The following ZNF3 variants were observed in gnomAD, a reference collection of about 807,000 sequenced individuals.
ZNF3 encodes the protein C2-H2 type zinc finger protein.
ZNF3 carries 16 observed loss-of-function variants against 36.9 expected under a neutral mutation model. That is an observed-to-expected ratio of 0.43 (90% confidence interval 0.29 to 0.66). The LOEUF is 0.66. Ranked by LOEUF, ZNF3 falls within the 30% of genes least tolerant of loss-of-function variation. ZNF3 has a pLI of 0.13. For synonymous variants in ZNF3, 201 were observed against 201.9 expected (o/e 1.00, Z 0.04); for missense variants, 462 against 543.1 (o/e 0.85, Z 1.48).
downstream of ZNF3, among the ~76,000 whole-genome samples, chr7:100,069,247 TGTACC>T (rs1410956771): frequency 6.6e-6 from 1 of 152,138 alleles, no homozygotes; most frequent in Non-Finnish European, 1.5e-5. Flanking sequence ...CATGAGCCAC[TGTACC>T]TAGCCTATAA....
chr7:100,070,287 CA>C lies in ZNF3; in HGVS notation c.*855del, dbSNP rs1201660431. ...GGGCTGGGTGTCAGAGGTGAGAGGG[CA>C]GGGCAAGCAGGCCAAGTGAGCTCCT... is the stretch of plus-strand genomic sequence containing the variant. On this transcript the variant is annotated 3_prime_UTR_variant, in exon 6 of 6. Transcript: ENST00000299667. 6 of 985,482 alleles carry C rather than the reference CA, an allele frequency of 6.1e-6. No homozygotes were observed. The African/African-American group carries it at 1.0e-4, about 17-fold the overall frequency. 61.0% of individuals were successfully genotyped at this position (985,482 alleles called of 1,614,324 possible).
chr7:100,073,453 A>G (rs560231512), intron 5 of ZNF3, among the ~76,000 whole-genome samples: 2 of 152,090 alleles, frequency 1.3e-5, no homozygotes, highest in Admixed American at 6.5e-5. Context: ...GGTTCAAGCA[A>G]TTCTCCTGCC....
At chr7:100,063,969 C>T (rs781460330), downstream of ZNF3, 8 of 1,614,030 alleles carry the variant, frequency 5.0e-6, no homozygotes, top group Middle Eastern at 3.3e-4. Flanking sequence ...AAGAGGCAGG[C>T]TCCAAGAAAG....
intron 1 of ZNF3, among the ~76,000 whole-genome samples, chr7:100,080,929 T>C (rs4601238): frequency 2.6e-5 from 4 of 152,246 alleles, no homozygotes; most frequent in African/African-American, 9.6e-5. Flanking sequence ...GAGAAAATAA[T>C]ACGCTCGTTC....
chr7:100,065,396 C>T (rs1026997820), downstream of ZNF3, among the ~76,000 whole-genome samples: 3 of 151,538 alleles, frequency 2.0e-5, no homozygotes, highest in African/African-American at 7.3e-5. Flanking sequence ...TGCACTCCAG[C>T]CTGGGTGACA....
chr7:100,064,993 T>C, downstream of ZNF3: 2 of 1,533,616 alleles, frequency 1.3e-6, no homozygotes, highest in African/African-American at 2.8e-5. Flanking sequence ...TTGAGCCACA[T>C]TGAACACAAT....
At chr7:100,074,738 T>C (rs554482599) in intron 5 of ZNF3, among the ~76,000 whole-genome samples, 1 of 152,206 alleles carries the variant, frequency 6.6e-6, no homozygotes, top group East Asian at 1.9e-4. Flanking sequence ...TAAGACTAAG[T>C]CAATCCTTAC....
At chr7:100,075,094 G>A (rs564021133) in intron 5 of ZNF3, 41 bp downstream of exon 5, 3 of 1,551,852 alleles carry the variant, frequency 1.9e-6, no homozygotes, top group South Asian at 1.2e-5. Flanking sequence ...AAGAAGCAAA[G>A]AAACACCAGC....
chr7:100,068,302 C>G (rs927902967), downstream of ZNF3, among the ~76,000 whole-genome samples: 1 of 151,866 alleles, frequency 6.6e-6, no homozygotes, highest in Non-Finnish European at 1.5e-5. Context: ...AGGCTAGTCT[C>G]AAACTCTCAC....
At position 100,071,172 on chromosome 7, in the gene ZNF3, T is replaced by A; in HGVS notation, c.1312A>T (p.Thr438Ser). 6.2e-7 allele frequency: 1 copy of A among 1,604,330 alleles called. No homozygotes were observed. The highest frequency in any genetic ancestry group is 8.5e-7 in the Non-Finnish European group (1 of 1,174,632). The change falls in exon 6 of 6, where the codon ACC becomes TCC. Residue 438 changes from threonine (T) to serine (S), a missense_variant. Thr to Ser is a moderately conservative substitution (Grantham distance 58). Coordinates refer to ENST00000299667, the MANE Select transcript of ZNF3 (RefSeq NM_032924.5). ...GMSKSSLRVT[T>S]ELNIREST is the part of the protein sequence containing the mutation. ...GTGGACTCTCTGATATTTAACTCGG[T>A]CGTAACTCTGAGGGAGCTTTTGCTC...
intron 5 of ZNF3, chr7:100,064,956 T>C: frequency 6.2e-7 from 1 of 1,605,454 alleles, no homozygotes; most frequent in Non-Finnish European, 8.5e-7. Context: ...TTTTAACATA[T>C]ATTCAAGAAT....
chr7:100,082,559 C>G (rs1232156352), upstream of ZNF3: 2 of 151,846 alleles, frequency 1.3e-5, no homozygotes, highest in African/African-American at 4.9e-5. Flanking sequence ...GTACTCCAGG[C>G]TGGCCACAGA....
At chr7:100,077,189 T>G (rs1584450192) in intron 3 of ZNF3, 114 bp downstream of exon 3, 1 of 1,293,584 alleles carries the variant, frequency 7.7e-7, no homozygotes, top group East Asian at 2.3e-5. Flanking sequence ...GCGAAGAGTG[T>G]GTCTTATTCA....
exon 6 of ZNF3, chr7:100,064,135 T>C (rs1792502624): frequency 1.9e-6 from 3 of 1,613,928 alleles, no homozygotes; most frequent in African/African-American, 1.3e-5. Context: ...TGGGAAAGCT[T>C]TCAGCCACAG....
chr7:100,066,773 G>A (rs926781280), downstream of ZNF3, among the ~76,000 whole-genome samples: 14 of 151,986 alleles, frequency 9.2e-5, no homozygotes, highest in Admixed American at 7.9e-4. Context: ...GGTGGCTCAC[G>A]CCTGTAATCC....
chr7:100,069,467 G>T (rs1792818178), downstream of ZNF3, among the ~76,000 whole-genome samples: 2 of 150,784 alleles, frequency 1.3e-5, no homozygotes, highest in Non-Finnish European at 2.9e-5. Context: ...CACGGGAAGT[G>T]CTTGAACCCG....
At chr7:100,077,528 C>T (rs1794315153) in intron 2 of ZNF3, 95 bp from the exon 3 acceptor site, 2 of 1,222,440 alleles carry the variant, frequency 1.6e-6, no homozygotes, top group East Asian at 2.6e-5. Context: ...TACCCAGGAA[C>T]AGTGAGAAGA....
downstream of ZNF3, among the ~76,000 whole-genome samples, chr7:100,066,689 A>C (rs562960477): frequency 1.3e-5 from 2 of 150,486 alleles, no homozygotes; most frequent in Admixed American, 1.3e-4. Context: ...GTGAGCCGAG[A>C]TCACGCCACT....
At chr7:100,075,880 T>C (rs1048036043) in intron 3 of ZNF3, among the ~76,000 whole-genome samples, 1 of 152,122 alleles carries the variant, frequency 6.6e-6, no homozygotes, top group African/African-American at 2.4e-5. Flanking sequence ...CTGTCCCAGG[T>C]CCCCTCTTCT....
Sources: allele counts gnomAD v4.1 joint callset (sites outside exome capture counted in the v4.1 genomes callset), GRCh38; gene constraint gnomAD v4.1.1; transcripts MANE v1.5; gene names NCBI Gene and HGNC (gene_info 2026-07-23, HGNC 2026-07-21).